Variants in KRABD2 observed in about 807,000 individuals in gnomAD.
KRABD2 encodes the protein KRAB domain-containing protein 2.
the KRABD2 span, chr17:8,375,811 G>A: frequency 2.2e-6 from 2 of 914,482 alleles, no homozygotes; most frequent in Non-Finnish European, 2.8e-6. Flanking sequence ...CAGCTTCTTG[G>A]TGTGATCTAT....
At chr17:8,359,195 C>A in the KRABD2 span, among the ~76,000 whole-genome samples, 1 of 152,198 alleles carries the variant, frequency 6.6e-6, no homozygotes, top group African/African-American at 2.4e-5. Context: ...GTAGAAATGA[C>A]ACAGAAATGT....
the KRABD2 span, chr17:8,371,857 C>A: frequency 6.6e-5 from 68 of 1,031,404 alleles, no homozygotes; most frequent in Non-Finnish European, 7.7e-5. Context: ...AAAAGAGATA[C>A]CCCAAATGGA....
chr17:8,371,377 AAAT>A, the KRABD2 span: 1 of 1,614,182 alleles, frequency 6.2e-7, no homozygotes, highest in South Asian at 1.1e-5. Context: ...AGAGCCTTCT[AAAT>A]AATTCCAATC....
chr17:8,361,218 A>T, the KRABD2 span, among the ~76,000 whole-genome samples: 1 of 152,204 alleles, frequency 6.6e-6, no homozygotes, highest in African/African-American at 2.4e-5. Context: ...GGAAGTGGGG[A>T]CATGTGCCCT....
At chr17:8,372,627 G>C in the KRABD2 span, among the ~76,000 whole-genome samples, 1 of 152,214 alleles carries the variant, frequency 6.6e-6, no homozygotes, top group Non-Finnish European at 1.5e-5. The surrounding 1 kb of genome is among the most constrained non-coding windows in gnomAD (Gnocchi z 4.1). Flanking sequence ...AAACCACAAG[G>C]TATTCAATGG....
chr17:8,376,393 C>G, the KRABD2 span: 1 of 1,154,168 alleles, frequency 8.7e-7, no homozygotes, highest in Non-Finnish European at 1.1e-6. Flanking sequence ...TATGAAGATT[C>G]AATGATAATG....
the KRABD2 span, among the ~76,000 whole-genome samples, chr17:8,373,106 CTCTCCA>C: frequency 6.6e-6 from 1 of 151,764 alleles, no homozygotes; most frequent in Non-Finnish European, 1.5e-5. Flanking sequence ...CCCTCTTCCT[CTCTCCA>C]TCTCCGTCTC....
At chr17:8,376,598 G>A in the KRABD2 span, 1 of 986,040 alleles carries the variant, frequency 1.0e-6, no homozygotes, top group Non-Finnish European at 1.2e-6. Flanking sequence ...GCGGGCGCGC[G>A]GTGGAGAAAA....
the KRABD2 span, among the ~76,000 whole-genome samples, chr17:8,374,031 CGGGA>C: frequency 1.7e-4 from 26 of 151,598 alleles, no homozygotes; most frequent in Non-Finnish European, 2.8e-4. Flanking sequence ...CCGCCCCGTC[CGGGA>C]GGGAGGTGGG....
chr17:8,359,553 G>A, the KRABD2 span: 2 of 455,798 alleles, frequency 4.4e-6, no homozygotes, highest in Admixed American at 4.7e-5. Context: ...GCTTATAAAT[G>A]TCCAATGAAT....
At chr17:8,370,211 C>T in the KRABD2 span, 5 of 1,612,996 alleles carry the variant, frequency 3.1e-6, no homozygotes, top group Non-Finnish European at 4.2e-6. Context: ...TTTGAAAGTA[C>T]TTTTCTTTGG....
chr17:8,363,128 A>G, the KRABD2 span, among the ~76,000 whole-genome samples: 1 of 152,166 alleles, frequency 6.6e-6, no homozygotes, highest in African/African-American at 2.4e-5. Context: ...AGAATGATAC[A>G]CTGATGACTC....
At chr17:8,370,839 C>T in the KRABD2 span, among the ~76,000 whole-genome samples, 32 of 152,142 alleles carry the variant, frequency 2.1e-4, no homozygotes, top group African/African-American at 7.7e-4. Flanking sequence ...GAAATTTGTA[C>T]CAGGGATTGC....
the KRABD2 span, chr17:8,369,397 T>C: frequency 1.2e-6 from 2 of 1,614,252 alleles, no homozygotes; most frequent in Non-Finnish European, 1.7e-6. Flanking sequence ...TCAAATGGAC[T>C]TTGCTGCAAG....
At chr17:8,375,045 T>C in the KRABD2 span, among the ~76,000 whole-genome samples, 1 of 150,960 alleles carries the variant, frequency 6.6e-6, no homozygotes, top group Non-Finnish European at 1.5e-5. Context: ...AGAGTTTTGC[T>C]CTGTCATCCA....
the KRABD2 span, chr17:8,371,471 G>C: frequency 1.2e-6 from 2 of 1,612,952 alleles, no homozygotes; most frequent in Non-Finnish European, 1.7e-6. Flanking sequence ...TTGGGGCCTG[G>C]GCTAAAGAGC....
chr17:8,376,139 T>C, the KRABD2 span: 12 of 1,231,628 alleles, frequency 9.7e-6, no homozygotes, highest in Admixed American at 4.2e-5. Context: ...TACCTGCCTG[T>C]ACCCCCTTTG....
At chr17:8,364,071 G>T in the KRABD2 span, among the ~76,000 whole-genome samples, 1 of 150,964 alleles carries the variant, frequency 6.6e-6, no homozygotes, top group Non-Finnish European at 1.5e-5. This position sits in a 1 kb window ranked among gnomAD's most constrained non-coding sequence, Gnocchi z 4.4. Flanking sequence ...GTTTTGCCAG[G>T]TTGGCCAGGC....
chr17:8,369,777 T>C, the KRABD2 span: 7 of 1,614,090 alleles, frequency 4.3e-6, no homozygotes, highest in Non-Finnish European at 5.9e-6. Flanking sequence ...TAAAATGAAC[T>C]TGAACTCACC....
Sources: allele counts gnomAD v4.1 joint callset (sites outside exome capture counted in the v4.1 genomes callset), GRCh38; gene constraint gnomAD v4.1.1; non-coding constraint Gnocchi (gnomAD v3.1); transcripts MANE v1.5; gene names NCBI Gene and HGNC (gene_info 2026-07-23, HGNC 2026-07-21).